Variants in LCLAT1 observed in about 807,000 individuals in gnomAD.
LCLAT1 encodes 1-AGP acyltransferase 8.
In LCLAT1, 11 loss-of-function variants were observed where a neutral mutation model predicts 30.7. The ratio of observed to expected loss-of-function variants is 0.36; its 90% CI spans 0.23 to 0.59. The LOEUF (loss-of-function observed/expected upper bound fraction) is 0.59, where lower values mean the gene tolerates loss of function less well. Ranked by LOEUF, LCLAT1 falls within the 20% of genes least tolerant of loss-of-function variation. The pLI, the probability that LCLAT1 is intolerant of heterozygous loss-of-function variation, is 0.77. For missense variants in LCLAT1, 402 were observed against 458.6 expected (o/e 0.88, Z 1.13); for synonymous variants, 155 against 151.3 (o/e 1.02, Z -0.18).
chr2:30,614,701 G>T (rs979807787), intron 5 of LCLAT1, among the ~76,000 whole-genome samples: 2 of 152,186 alleles, frequency 1.3e-5, no homozygotes, highest in African/African-American at 4.8e-5. Flanking sequence ...AAGGAGAGAG[G>T]CAGGAGATAC....
chr2:30,462,312 T>C (rs1682192458), intron 1 of LCLAT1, among the ~76,000 whole-genome samples: 2 of 152,146 alleles, frequency 1.3e-5, no homozygotes, highest in South Asian at 4.1e-4. Context: ...AAGTGTATAA[T>C]TGGAAAGTTA....
At chr2:30,531,260 G>A (rs1052737560) in intron 2 of LCLAT1, among the ~76,000 whole-genome samples, 8 of 152,062 alleles carry the variant, frequency 5.3e-5, no homozygotes, top group Admixed American at 2.6e-4. Context: ...GTGAGACTCC[G>A]TCTCAAAAGA....
intron 5 of LCLAT1, among the ~76,000 whole-genome samples, chr2:30,594,023 C>T (rs536636922): frequency 7.9e-5 from 12 of 151,544 alleles, no homozygotes; most frequent in Admixed American, 2.0e-4. Context: ...AAAAAAATTA[C>T]ATAAGAAATG....
chr2:30,552,491 A>T (rs1013106431), intron 3 of LCLAT1: 2 of 442,402 alleles, frequency 4.5e-6, no homozygotes, highest in Non-Finnish European at 9.2e-6. Context: ...TTGTATTTTC[A>T]GCACAGTCAC....
intron 3 of LCLAT1, among the ~76,000 whole-genome samples, chr2:30,538,688 G>T (rs1663940804): frequency 6.6e-6 from 1 of 151,586 alleles, no homozygotes; most frequent in Admixed American, 6.6e-5. Flanking sequence ...AATTAGAAAT[G>T]TAATATGAGA....
chr2:30,638,181 A>G (rs976854241), intron 5 of LCLAT1, among the ~76,000 whole-genome samples: 1 of 152,248 alleles, frequency 6.6e-6, no homozygotes, highest in Admixed American at 6.5e-5. Context: ...AAACATTTGC[A>G]GAAAACTTGA....
intron 5 of LCLAT1, among the ~76,000 whole-genome samples, chr2:30,623,187 G>C (rs1440102297): frequency 6.6e-6 from 1 of 151,628 alleles, no homozygotes; most frequent in African/African-American, 2.4e-5. Context: ...CCGAGTAGCT[G>C]GGACTACAGG....
chr2:30,466,677 T>C (rs1396709588), intron 1 of LCLAT1, among the ~76,000 whole-genome samples: 1 of 151,924 alleles, frequency 6.6e-6, no homozygotes, highest in Non-Finnish European at 1.5e-5. Flanking sequence ...GGCAGGCTTA[T>C]TAAAAATGCA....
intron 5 of LCLAT1, among the ~76,000 whole-genome samples, chr2:30,601,835 T>C (rs539284496): frequency 6.6e-5 from 10 of 151,506 alleles, no homozygotes; most frequent in Admixed American, 1.3e-4. Flanking sequence ...TAGATAGATA[T>C]ATTTATCTAC....
chr2:30,614,505 G>A (rs1572699643), intron 5 of LCLAT1, among the ~76,000 whole-genome samples: 1 of 152,246 alleles, frequency 6.6e-6, no homozygotes, highest in Admixed American at 6.5e-5. Context: ...GAACTAGTGT[G>A]ACTGCAAGGT....
chr2:30,560,412 C>T (rs1240571081), intron 3 of LCLAT1, among the ~76,000 whole-genome samples: 2 of 152,068 alleles, frequency 1.3e-5, no homozygotes, highest in Admixed American at 6.5e-5. Context: ...GATCTCAGCT[C>T]ACTGCACCCT....
intron 1 of LCLAT1, among the ~76,000 whole-genome samples, chr2:30,482,013 G>A (rs1054581075): frequency 2.0e-5 from 3 of 152,136 alleles, no homozygotes; most frequent in Admixed American, 1.3e-4. Flanking sequence ...TATTCAATCT[G>A]TTAACTTCTA....
chr2:30,574,184 A>G (rs1037674882), intron 5 of LCLAT1, among the ~76,000 whole-genome samples: 10 of 150,102 alleles, frequency 6.7e-5, no homozygotes, highest in Admixed American at 2.0e-4. Flanking sequence ...CAAAAGTAAG[A>G]GAAGAAATCA....
At chr2:30,532,840 CCTTTTATA>C (rs996455935) in intron 2 of LCLAT1, among the ~76,000 whole-genome samples, 2 of 151,706 alleles carry the variant, frequency 1.3e-5, no homozygotes, top group African/African-American at 4.8e-5. Context: ...TTGATATTCA[CCTTTTATA>C]CTTTTTGCTT....
intron 5 of LCLAT1, among the ~76,000 whole-genome samples, chr2:30,586,886 C>T (rs1470933705): frequency 6.6e-6 from 1 of 152,036 alleles, no homozygotes; most frequent in African/African-American, 2.4e-5. Context: ...TTTATAACCC[C>T]CTCACCATGC....
chr2:30,527,772 A>T (rs538547186), intron 2 of LCLAT1, among the ~76,000 whole-genome samples: 1 of 152,312 alleles, frequency 6.6e-6, no homozygotes, highest in Admixed American at 6.5e-5. Flanking sequence ...TTTTAGTATA[A>T]TGCTTGCCAT....
At chr2:30,510,104 G>A (rs1684866797) in intron 1 of LCLAT1, among the ~76,000 whole-genome samples, 1 of 152,096 alleles carries the variant, frequency 6.6e-6, no homozygotes, top group South Asian at 2.1e-4. Context: ...CTCAGAATTT[G>A]GACCGAATGC....
chr2:30,482,150 G>C (rs1374836132), intron 1 of LCLAT1, among the ~76,000 whole-genome samples: 2 of 152,160 alleles, frequency 1.3e-5, no homozygotes, highest in African/African-American at 2.4e-5. Flanking sequence ...TTTGGTTTTT[G>C]TGATTACAGT....
chr2:30,620,397 G>C (rs960993995), intron 5 of LCLAT1, among the ~76,000 whole-genome samples: 2 of 152,190 alleles, frequency 1.3e-5, no homozygotes, highest in Non-Finnish European at 2.9e-5. Context: ...ACTAGAGTTT[G>C]AGAACTACTG....
Sources: gnomAD v4.1 joint callset for allele counts (sites outside exome capture counted in the v4.1 genomes callset) on GRCh38, gnomAD v4.1.1 for gene constraint, MANE v1.5 for transcripts, NCBI Gene and HGNC (gene_info 2026-07-23, HGNC 2026-07-21) for gene names.